Variants in MYO5B observed in about 807,000 individuals in gnomAD.
MYO5B encodes the protein myosin VB, also known as unconventional myosin-Vb.
A neutral mutation model predicts 229.3 loss-of-function variants in MYO5B; 143 were observed. The observed-to-expected ratio is 0.62, with a 90% CI of 0.54 to 0.72. MYO5B has a LOEUF of 0.72. Ranked by LOEUF, MYO5B falls within the 30% of genes least tolerant of loss-of-function variation. MYO5B has a pLI of 0.00. For synonymous variants in MYO5B, 918 were observed against 885.2 expected, an observed-to-expected ratio of 1.04 and a Z score of -0.66; for missense variants, 2,321 against 2,331.0, an observed-to-expected ratio of 1.00 and a Z score of 0.09.
intron 1 of MYO5B, among the ~76,000 whole-genome samples, chr18:50,100,540 C>T (rs1005285165): frequency 2.6e-5 from 4 of 152,072 alleles, no homozygotes; most frequent in Non-Finnish European, 5.9e-5. Context: ...TACCCCTCTG[C>T]CTACCACCCT....
chr18:49,935,649 A>T (rs1197241709), intron 16 of MYO5B, among the ~76,000 whole-genome samples: 1 of 152,252 alleles, frequency 6.6e-6, no homozygotes, highest in Non-Finnish European at 1.5e-5. Flanking sequence ...AGAAACCAAG[A>T]TGTACAAAGA....
At chr18:49,859,832 G>A (rs1031249000) in intron 29 of MYO5B, among the ~76,000 whole-genome samples, 4 of 152,270 alleles carry the variant, frequency 2.6e-5, no homozygotes, top group African/African-American at 9.6e-5. Context: ...AGCTCTTCCC[G>A]CCTTCTTTGC....
At chr18:50,003,605 A>T (rs1261261305) in intron 4 of MYO5B, among the ~76,000 whole-genome samples, 1 of 152,228 alleles carries the variant, frequency 6.6e-6, no homozygotes, top group East Asian at 1.9e-4. Context: ...CATCCCAGGC[A>T]ACTAAGAACA....
At position 49,992,389 on chromosome 18, in the gene MYO5B, G is replaced by A. The variant is rs755378266; in HGVS notation, c.655C>T (p.Arg219Cys). Residue 219 changes from arginine (R) to cysteine (C), a missense_variant, in exon 6 of 40, where the codon CGT (arginine) becomes TGT (cysteine). Around this residue, in one of 2 missense-constraint regions of MYO5B, gnomAD observed 2,113 missense variants for 2,044.7 expected, o/e 1.03. Coordinates refer to ENST00000285039, the MANE Select transcript of MYO5B (RefSeq NM_001080467.3). ...CCAATCTGGATGTACTTGCCAAAAC[G>A]GCTGCTGTTGTCATTGCGGGTGGTC... is the stretch of plus-strand genomic sequence containing the variant. ...AKTTRNDNSS[R>C]FGKYIQIGFD... The A allele has an allele frequency of 9.3e-6, 15 of 1,614,110 alleles. No homozygotes were observed. The highest frequency in any genetic ancestry group is 1.1e-5 in the Non-Finnish European group (13 of 1,180,014).
chr18:49,937,933 A>C (rs1387742279), intron 14 of MYO5B, among the ~76,000 whole-genome samples: 1 of 152,182 alleles, frequency 6.6e-6, no homozygotes, highest in Non-Finnish European at 1.5e-5. Context: ...TGACTGCATA[A>C]ATTGGTGAAC....
intron 14 of MYO5B, among the ~76,000 whole-genome samples, chr18:49,941,592 G>A (rs1037371192): frequency 6.6e-6 from 1 of 152,150 alleles, no homozygotes; most frequent in African/African-American, 2.4e-5. Context: ...CACTAAGGAT[G>A]CCCCCAAGTG....
chr18:49,839,911 C>G (rs2024036209), intron 35 of MYO5B: 1 of 156,678 alleles, frequency 6.4e-6, no homozygotes, highest in South Asian at 1.9e-4. Flanking sequence ...CCTAGGGAAA[C>G]CAGTATCTGC....
intron 1 of MYO5B, among the ~76,000 whole-genome samples, chr18:50,109,672 T>C (rs2031830272): frequency 1.3e-5 from 2 of 152,100 alleles, no homozygotes; most frequent in Admixed American, 1.3e-4. Context: ...GTGATCCACC[T>C]GCCTCAGCCT....
At chr18:50,014,475 C>T (rs2144348207) in intron 4 of MYO5B, among the ~76,000 whole-genome samples, 1 of 152,266 alleles carries the variant, frequency 6.6e-6, no homozygotes, top group South Asian at 2.1e-4. Context: ...TTAACTCTCT[C>T]ATTATGGGTT....
At chr18:49,948,606 G>T (rs1165275544) in intron 14 of MYO5B, among the ~76,000 whole-genome samples, 1 of 152,118 alleles carries the variant, frequency 6.6e-6, no homozygotes, top group African/African-American at 2.4e-5. Flanking sequence ...CTCCTATTCA[G>T]AAAATAAGTT....
At chr18:50,049,024 GAAA>G (rs33975553) in intron 2 of MYO5B, among the ~76,000 whole-genome samples, 111 of 126,588 alleles carry the variant, frequency 8.8e-4, no homozygotes, top group Middle Eastern at 4.1e-3. Flanking sequence ...TCCATCTCAG[GAAA>G]AAAAAAAAAA....
chr18:50,091,507 A>G (rs2144488929), intron 1 of MYO5B, among the ~76,000 whole-genome samples: 1 of 152,348 alleles, frequency 6.6e-6, no homozygotes. Context: ...CCGAATCCTT[A>G]CAACCATCCT....
At chr18:50,107,295 T>G (rs1472879737) in intron 1 of MYO5B, among the ~76,000 whole-genome samples, 4 of 151,710 alleles carry the variant, frequency 2.6e-5, no homozygotes, top group Non-Finnish European at 4.4e-5. Flanking sequence ...CCTGGTATTT[T>G]TAGTGGAGAC....
rs534067636 is a variant in MYO5B at position 50,052,229 on chromosome 18, C to T, written c.138+3039G>A. On this transcript the variant is annotated intron_variant, in intron 2 of 39. Transcript: ENST00000285039. The stretch of plus-strand genomic sequence containing the variant: ...GGTATATACCAAAAGGACTATAAAT[C>T]ATGCTGCTATAAAGACACATGCAAA... Among the ~76,000 whole-genome samples, 710 of 152,216 alleles carry T rather than the reference C, an allele frequency of 4.7e-3. 5 individuals are homozygous for T. Among genetic ancestry groups the T allele is most frequent in the African/African-American group, 0.016 (660 of 41,520 alleles).
Position 49,984,741 on chromosome 18 carries a change from G to A in MYO5B, c.923C>T (p.Thr308Ile). The A allele has an allele frequency of 6.2e-7, 1 of 1,613,042 alleles. No homozygotes were observed. The highest frequency in any genetic ancestry group is 8.5e-7 in the Non-Finnish European group (1 of 1,179,022). Residue 308 changes from threonine to isoleucine, a missense_variant, in exon 8 of 40, where the codon ACT becomes ATT. By Grantham distance (89) the Thr-to-Ile change is moderately conservative. Coordinates refer to ENST00000285039, the MANE Select transcript of MYO5B (RefSeq NM_001080467.3). ...GVDDAEDFEK[T>I]RQAFTLLGVK... is the part of the protein sequence containing the mutation. ...ACCGAGGAGTGTGAAGGCTTGTCGA[G>A]TCTTCTCAAAGTCCTCAGCATCGTC...
chr18:49,876,414 G>T (rs1004146870), intron 25 of MYO5B: 10 of 207,716 alleles, frequency 4.8e-5, no homozygotes, highest in African/African-American at 2.3e-4. Flanking sequence ...GGGGATAGGG[G>T]TGTACAAACA....
intron 1 of MYO5B, among the ~76,000 whole-genome samples, chr18:50,169,632 G>GA (rs1568131770): frequency 7.8e-6 from 1 of 127,678 alleles, no homozygotes; most frequent in East Asian, 2.3e-4. Context: ...AGAGACTAGA[G>GA]AGAGATGACA....
At chr18:49,937,133 G>T in intron 15 of MYO5B, 112 bp downstream of exon 15, 2 of 1,306,682 alleles carry the variant, frequency 1.5e-6, no homozygotes, top group East Asian at 2.3e-5. Context: ...TGAGGCTACT[G>T]ATGTCAAGGC....
intron 1 of MYO5B, among the ~76,000 whole-genome samples, chr18:50,057,141 T>A (rs1198500870): frequency 1.3e-5 from 2 of 152,244 alleles, no homozygotes; most frequent in Non-Finnish European, 2.9e-5. Context: ...TTTGCTGATC[T>A]TAACTGTCAA....
Sources: gnomAD v4.1 joint callset for allele counts (sites outside exome capture counted in the v4.1 genomes callset) on GRCh38, gnomAD v4.1.1 for gene constraint, gnomAD v4.1.1 regional missense constraint, MANE v1.5 for transcripts, NCBI Gene and HGNC (gene_info 2026-07-23, HGNC 2026-07-21) for gene names.